The following FTO variants were observed in gnomAD, a reference collection of about 807,000 sequenced individuals.
The protein encoded by FTO is FTO alpha-ketoglutarate dependent dioxygenase.
In FTO, 47 loss-of-function variants were observed where a neutral mutation model predicts 63.9. The ratio of observed to expected loss-of-function variants is 0.74; its 90% CI spans 0.58 to 0.94. The LOEUF is 0.94. Among genes scored for constraint, FTO ranks in the 40% least tolerant of loss-of-function variants. FTO has a pLI of 0.00. For missense variants in FTO, 562 were observed against 618.1 expected (o/e 0.91, Z 0.96); for synonymous variants, 207 against 224.4 (o/e 0.92, Z 0.69).
chr16:53,986,367 G>A (rs2083668235), intron 8 of FTO, among the ~76,000 whole-genome samples: 1 of 152,094 alleles, frequency 6.6e-6, no homozygotes, highest in Admixed American at 6.6e-5. Context: ...CAACCATCTC[G>A]GAAACAGGGT....
chr16:54,094,423 T>G (rs1330925357), intron 8 of FTO, among the ~76,000 whole-genome samples: 1 of 152,220 alleles, frequency 6.6e-6, no homozygotes, highest in Non-Finnish European at 1.5e-5. Flanking sequence ...TACGATGTTT[T>G]AAAACTCCTT....
intron 1 of FTO, among the ~76,000 whole-genome samples, chr16:53,781,714 G>C (rs77953245): frequency 1.2e-3 from 189 of 152,308 alleles, no homozygotes; most frequent in African/African-American, 4.4e-3. Flanking sequence ...AAAGTAATAG[G>C]CTTGAATTTG....
Position 54,013,700 on chromosome 16 carries a change from A to T in FTO, c.1364+79591A>T, listed in dbSNP as rs1371294659. Among the ~76,000 whole-genome samples the T allele has an allele frequency of 2.6e-5, 4 of 152,348 alleles. No homozygotes were observed. The East Asian group carries it at 7.7e-4, about 29-fold the overall frequency. ...TAAGGCAAAACAATTGTGACTTGCT[A>T]AAGGCTCAGATAATTGTTAGCATTT... On this transcript the variant is annotated intron_variant, in intron 8 of 8. Coordinates refer to ENST00000471389, the MANE Select transcript of FTO (RefSeq NM_001080432.3).
intron 7 of FTO, chr16:53,911,180 T>G: frequency 1.8e-6 from 1 of 557,042 alleles, no homozygotes; most frequent in Non-Finnish European, 3.2e-6. Context: ...AACTCAGGCT[T>G]GAAAGCACTT....
At chr16:53,860,916 ACG>A (rs1491038322) in intron 4 of FTO, among the ~76,000 whole-genome samples, 3 of 148,398 alleles carry the variant, frequency 2.0e-5, no homozygotes, top group South Asian at 2.2e-4. Flanking sequence ...ACACACACAC[ACG>A]TTTACTGTGA....
chr16:53,927,300 G>T (rs2082167092), intron 7 of FTO, among the ~76,000 whole-genome samples: 1 of 152,150 alleles, frequency 6.6e-6, no homozygotes, highest in Admixed American at 6.5e-5. Flanking sequence ...AAGGGAAGAA[G>T]ATTAGGGTGA....
chr16:54,075,434 C>A (rs2085970898), intron 8 of FTO, among the ~76,000 whole-genome samples: 1 of 152,148 alleles, frequency 6.6e-6, no homozygotes, highest in Admixed American at 6.5e-5. Flanking sequence ...AAAAGAAAAC[C>A]AACAATTTTA....
At chr16:53,715,948 G>A (rs1447868843) in intron 1 of FTO, among the ~76,000 whole-genome samples, 6 of 152,172 alleles carry the variant, frequency 3.9e-5, no homozygotes, top group African/African-American at 1.4e-4. Context: ...TTGAGGAAGT[G>A]TAAGATATAA....
intron 1 of FTO, among the ~76,000 whole-genome samples, chr16:53,788,299 T>G (rs2077804014): frequency 6.6e-6 from 1 of 152,142 alleles, no homozygotes; most frequent in African/African-American, 2.4e-5. Context: ...GTTCTGCTTT[T>G]GATACAGAAT....
chr16:53,794,002 A>C (rs2077994286), intron 1 of FTO, among the ~76,000 whole-genome samples: 1 of 152,236 alleles, frequency 6.6e-6, no homozygotes, highest in African/African-American at 2.4e-5. Flanking sequence ...CAATCAAATA[A>C]ATGTAAATTA....
intron 8 of FTO, among the ~76,000 whole-genome samples, chr16:53,955,559 A>G (rs2082909943): frequency 6.6e-6 from 1 of 152,194 alleles, no homozygotes; most frequent in South Asian, 2.1e-4. Context: ...GTTGGAGTAA[A>G]GACTTCATCA....
chr16:53,847,300 C>T (rs891143737), intron 4 of FTO, among the ~76,000 whole-genome samples: 2 of 152,212 alleles, frequency 1.3e-5, no homozygotes, highest in South Asian at 2.1e-4. Flanking sequence ...CCCTACTCAG[C>T]GCTGAACGCT....
intron 4 of FTO, among the ~76,000 whole-genome samples, chr16:53,856,466 A>T (rs1022584165): frequency 2.6e-5 from 4 of 151,996 alleles, no homozygotes; most frequent in African/African-American, 9.7e-5. Context: ...TCCCCTAAAT[A>T]TAATTTTCTA....
At chr16:53,921,105 A>G (rs1012906963) in intron 7 of FTO, among the ~76,000 whole-genome samples, 1 of 152,280 alleles carries the variant, frequency 6.6e-6, no homozygotes, top group Non-Finnish European at 1.5e-5. Flanking sequence ...AGGGCCGCAG[A>G]CAAAAGGCCT....
chr16:53,829,907 G>A (rs2079100518), intron 3 of FTO, among the ~76,000 whole-genome samples: 1 of 150,866 alleles, frequency 6.6e-6, no homozygotes, highest in Non-Finnish European at 1.5e-5. Flanking sequence ...TTGCTACTTA[G>A]TGATAAGAGC....
At chr16:53,842,393 C>G (rs545838598) in intron 3 of FTO, among the ~76,000 whole-genome samples, 1 of 152,284 alleles carries the variant, frequency 6.6e-6, no homozygotes, top group South Asian at 2.1e-4. Context: ...ATAGTAAGTG[C>G]TCAATAAATA....
At chr16:53,928,889 G>A (rs1418223912) in intron 7 of FTO, among the ~76,000 whole-genome samples, 2 of 152,122 alleles carry the variant, frequency 1.3e-5, no homozygotes, top group Admixed American at 1.3e-4. Flanking sequence ...TGTTGCCCAG[G>A]CTGGAGTGCA....
intron 5 of FTO, among the ~76,000 whole-genome samples, chr16:53,875,375 A>G (rs536175492): frequency 6.6e-6 from 1 of 152,218 alleles, no homozygotes; most frequent in Admixed American, 6.5e-5. Context: ...CTTGGGAAAT[A>G]TGTTCATGGG....
intron 4 of FTO, among the ~76,000 whole-genome samples, chr16:53,852,513 T>C (rs994861413): frequency 6.6e-6 from 1 of 152,206 alleles, no homozygotes; most frequent in African/African-American, 2.4e-5. Context: ...CAACTTTACA[T>C]ACAGATCTGT....
Sources: allele counts gnomAD v4.1 joint callset (sites outside exome capture counted in the v4.1 genomes callset), GRCh38; gene constraint gnomAD v4.1.1; transcripts MANE v1.5; gene names NCBI Gene and HGNC (gene_info 2026-07-23, HGNC 2026-07-21).